Variants in CYP27C1 observed in about 807,000 individuals in gnomAD.
CYP27C1 encodes cytochrome P450 family 27 subfamily C member 1.
In CYP27C1, 29 loss-of-function variants were observed where a neutral mutation model predicts 40.6. That is an observed-to-expected ratio of 0.71 (90% CI 0.53 to 0.97). The LOEUF (loss-of-function observed/expected upper bound fraction) is 0.97. Ranked by LOEUF, CYP27C1 falls within the 50% of genes least tolerant of loss-of-function variation. The pLI is 0.00. For synonymous variants in CYP27C1, 198 were observed against 186.8 expected, an observed-to-expected ratio of 1.06 and a Z score of -0.49; for missense variants, 390 against 485.8, an observed-to-expected ratio of 0.80 and a Z score of 1.85.
chr2:127,215,132 A>G (rs1209765265), intron 1 of CYP27C1, among the ~76,000 whole-genome samples: 6 of 148,306 alleles, frequency 4.0e-5, no homozygotes, highest in Non-Finnish European at 9.0e-5. Context: ...CCATCTCAAA[A>G]AAAAAAAAAA....
chr2:127,199,540 C>T lies in CYP27C1; in HGVS notation c.884-1G>A. On this transcript the variant is annotated splice_acceptor_variant, in intron 4 of 8. Transcript: ENST00000664447. LOFTEE classifies it high-confidence loss of function. ...AACTTGTTGTCAACATGAATTTGGC[C>T]TGTTTGAAAACAGTATTTCTTTTGA... is the stretch of plus-strand genomic sequence containing the variant. 6.2e-7 allele frequency: 1 copy of T among 1,612,436 alleles called. No individual in the cohort carries two copies. Among genetic ancestry groups the T allele is most frequent in the Non-Finnish European group, 8.5e-7 (1 of 1,178,948 alleles).
chr2:127,188,979 C>T (rs1460863571), intron 8 of CYP27C1, among the ~76,000 whole-genome samples: 1 of 152,114 alleles, frequency 6.6e-6, no homozygotes, highest in Non-Finnish European at 1.5e-5. Context: ...AAACACCTAA[C>T]CTCTGACCCC....
rs1294414863 is a variant in CYP27C1 at position 127,187,354 on chromosome 2, GAGA to G, written c.1528_1530del (p.Ser510del). The G allele has an allele frequency of 1.9e-6, 3 of 1,614,016 alleles. No homozygotes were observed. The highest frequency in any genetic ancestry group is 1.3e-5 in the African/African-American group (1 of 74,940). ...GTTTTTGCATGAACAGCATTGGTCT[GAGA>G]AGATGTTTTGATCTCAAAATGTTGA... On this transcript the variant is annotated inframe_deletion, in exon 9 of 9. Transcript: ENST00000664447.
chr2:127,217,809 G>A (rs1320260282), intron 1 of CYP27C1, among the ~76,000 whole-genome samples: 1 of 152,192 alleles, frequency 6.6e-6, no homozygotes, highest in Non-Finnish European at 1.5e-5. Flanking sequence ...GAGCGCAAGT[G>A]AACTGGATGT....
At chr2:127,204,264 T>TC (rs1683107557) in intron 2 of CYP27C1, among the ~76,000 whole-genome samples, 1 of 114,970 alleles carries the variant, frequency 8.7e-6, no homozygotes, top group Admixed American at 1.1e-4. Context: ...AAACTCCATC[T>TC]CAAAAAAAAA....
intron 5 of CYP27C1, among the ~76,000 whole-genome samples, chr2:127,197,638 G>T (rs993394811): frequency 2.6e-5 from 4 of 152,044 alleles, no homozygotes; most frequent in African/African-American, 7.2e-5. Flanking sequence ...CTTTCCACCC[G>T]ACCACCAGCA....
In CYP27C1 at chr2:127,200,786, C is replaced by T. The variant is rs926362525; in HGVS notation, c.883+336G>A. 6.6e-6 allele frequency among the ~76,000 whole-genome samples: 1 copy of T among 151,992 alleles called. No individual in the cohort carries two copies. Among genetic ancestry groups the T allele is most frequent in the Non-Finnish European group, 1.5e-5 (1 of 68,006 alleles). Reference sequence around the variant, plus strand: ...GACCAGCCTGGCCAACATGGTGAAACCCCATCTCTACTAAAAATACAAAAT... The same window carrying T: ...GACCAGCCTGGCCAACATGGTGAAATCCCATCTCTACTAAAAATACAAAAT... On this transcript the variant is annotated intron_variant, in intron 4 of 8. Transcript: ENST00000664447. This position sits in a 1 kb window ranked among gnomAD's most constrained non-coding sequence, Gnocchi z 4.2.
At chr2:127,215,831 G>A (rs557890452) in intron 1 of CYP27C1, among the ~76,000 whole-genome samples, 1 of 151,970 alleles carries the variant, frequency 6.6e-6, no homozygotes, top group South Asian at 2.1e-4. Flanking sequence ...AAGGGAGGGA[G>A]GGAGAGAGAG....
Position 127,193,806 on chromosome 2 carries a change from A to G in CYP27C1, c.1276T>C (p.Tyr426His). The change falls in exon 7 of 9, where the codon TAT becomes CAT. Residue 426 changes from tyrosine (Y) to histidine (H), a missense_variant. Coordinates refer to ENST00000664447, the MANE Select transcript of CYP27C1 (RefSeq NM_001367502.1). ...VTQEDLVIGG[Y>H]LIPKGTQLAL... ...AAACTCACGCCTTTCGGAATCAGAT[A>G]CCCGCCAATAACCAGGTCTTCCTGG... is the stretch of plus-strand genomic sequence containing the variant. 6.2e-7 allele frequency: 1 copy of G among 1,610,630 alleles called. No homozygotes were observed. Among genetic ancestry groups the G allele is most frequent in the Non-Finnish European group, 8.5e-7 (1 of 1,179,118 alleles).
At chr2:127,210,702 C>G (rs1443951881) in intron 1 of CYP27C1, among the ~76,000 whole-genome samples, 4 of 150,280 alleles carry the variant, frequency 2.7e-5, no homozygotes, top group African/African-American at 9.8e-5. Context: ...AAAAAAAAAG[C>G]AGGGGTTGCA....
chr2:127,215,839 G>A (rs1347986496), intron 1 of CYP27C1, among the ~76,000 whole-genome samples: 1 of 151,862 alleles, frequency 6.6e-6, no homozygotes, highest in East Asian at 1.9e-4. Context: ...GAGGGAGAGA[G>A]AGAGGGAGGG....
At position 127,220,209 on chromosome 2, in the gene CYP27C1, A is replaced by G. The variant is rs1404149045; in HGVS notation, c.62T>C (p.Leu21Pro). 1.3e-5 allele frequency: 2 copies of G among 150,350 alleles called. No individual in the cohort carries two copies. The highest frequency in any genetic ancestry group is 1.3e-4 in the Admixed American group (2 of 15,140). 9.3% of individuals were successfully genotyped at this position (150,350 alleles called of 1,614,324 possible). The part of the protein sequence containing the change: ...GLRPAPERGG[L>P]LGGGAPRRPQ... ...CCGCCGCGGGGCCCCGCCGCCCAGG[A>G]GCCCACCCCGCTCGGGCGCCGGCCG... is the stretch of plus-strand genomic sequence containing the variant. The change falls in exon 1 of 9, where the codon CTC becomes CCC. Residue 21 changes from leucine (L) to proline (P), a missense_variant. Physicochemically the swap from Leu to Pro is moderately conservative, Grantham distance 98. Coordinates refer to ENST00000664447, the MANE Select transcript of CYP27C1 (RefSeq NM_001367502.1). The surrounding 1 kb of genome is among the most constrained non-coding windows in gnomAD (Gnocchi z 4.6).
In CYP27C1 at chr2:127,204,540, AG is replaced by A. The variant is rs1558931279; in HGVS notation, c.474-970del. Among the ~76,000 whole-genome samples, 22 of 42,222 alleles carry A rather than the reference AG, an allele frequency of 5.2e-4. 2 individuals are homozygous for A. The highest frequency in any genetic ancestry group is 1.4e-3 in the African/African-American group (21 of 14,826). 27.7% of individuals were successfully genotyped at this position (42,222 alleles called of 152,430 possible). Reference sequence around the variant, plus strand: ...AGGAAAGAAAGAAAGAAAGAAAGAGAGAGAGAGAGAGAGAGAGAAAGAAAGA... The same window carrying A: ...AGGAAAGAAAGAAAGAAAGAAAGAGAAGAGAGAGAGAGAGAGAAAGAAAGA... On this transcript the variant is annotated intron_variant, in intron 2 of 8. Transcript: ENST00000664447.
At position 127,200,108 on chromosome 2, in the gene CYP27C1, T is replaced by A. The variant is rs1012665129; in HGVS notation, c.884-569A>T. Reference sequence around the variant, plus strand: ...CATTCTCCTGCCTCAGCCTCCCAAGTAGCTGGAATTACAGGCACGCGCCAC... The same window carrying A: ...CATTCTCCTGCCTCAGCCTCCCAAGAAGCTGGAATTACAGGCACGCGCCAC... On this transcript the variant is annotated intron_variant, in intron 4 of 8. Coordinates refer to ENST00000664447, the MANE Select transcript of CYP27C1 (RefSeq NM_001367502.1). This position sits in a 1 kb window ranked among gnomAD's most constrained non-coding sequence, Gnocchi z 4.2. Among the ~76,000 whole-genome samples the A allele has an allele frequency of 1.3e-5, 2 of 152,208 alleles. No homozygotes were observed. The highest frequency in any genetic ancestry group is 2.9e-5 in the Non-Finnish European group (2 of 68,036).
chr2:127,204,454 AAGAAAGAAAG>A (rs1245167709), intron 2 of CYP27C1, among the ~76,000 whole-genome samples: 2,507 of 43,866 alleles, frequency 0.057, 308 homozygotes, highest in Non-Finnish European at 0.085. Context: ...GAAAGAAAGA[AAGAAAGAAAG>A]AAAGAAAGAA....
chr2:127,205,131 A>G (rs1683195448), intron 2 of CYP27C1, among the ~76,000 whole-genome samples: 1 of 152,218 alleles, frequency 6.6e-6, no homozygotes, highest in African/African-American at 2.4e-5. Flanking sequence ...GACAGCAGAG[A>G]GATTCTGCCT....
chr2:127,218,071 T>C lies in CYP27C1; in HGVS notation c.282+1918A>G, dbSNP rs1185149550. Among the ~76,000 whole-genome samples, 2 of 152,102 alleles carry C rather than the reference T, an allele frequency of 1.3e-5. No individual in the cohort carries two copies. Among genetic ancestry groups the C allele is most frequent in the African/African-American group, 4.8e-5 (2 of 41,406 alleles). On this transcript the variant is annotated intron_variant, in intron 1 of 8. Transcript: ENST00000664447. This position sits in a 1 kb window ranked among gnomAD's most constrained non-coding sequence, Gnocchi z 6.0. ...AAGTGAGTCAGTTGTGACTCTCTGCTCCGTGCCCCAGGGCCCTGGGTGTGG... is the reference window on the plus strand; with the variant it reads ...AAGTGAGTCAGTTGTGACTCTCTGCCCCGTGCCCCAGGGCCCTGGGTGTGG...
At chr2:127,202,514 A>G (rs978110923) in intron 3 of CYP27C1, among the ~76,000 whole-genome samples, 2 of 152,236 alleles carry the variant, frequency 1.3e-5, no homozygotes, top group East Asian at 3.9e-4. Flanking sequence ...TAAAAAGAAT[A>G]TTCACATGCG....
In CYP27C1 at chr2:127,201,420, G is replaced by A. The variant is rs971379496; in HGVS notation, c.674-89C>T. On this transcript the variant is annotated intron_variant, in intron 3 of 8. Coordinates refer to ENST00000664447, the MANE Select transcript of CYP27C1 (RefSeq NM_001367502.1). The surrounding 1 kb of genome is among the most constrained non-coding windows in gnomAD (Gnocchi z 6.0). Reference sequence around the variant, plus strand: ...TGGGCCATAAATGCAACTTTCAAACGTGGTCCAGGTGCCTTTCATGAATGA... The same window carrying A: ...TGGGCCATAAATGCAACTTTCAAACATGGTCCAGGTGCCTTTCATGAATGA... 2.0e-5 allele frequency: 25 copies of A among 1,252,004 alleles called. No individual in the cohort carries two copies. The Admixed American group carries it at 4.7e-4, about 24-fold the overall frequency. The allele number at this position is 1,252,004 out of a possible 1,614,324, so 77.6% of individuals were successfully genotyped here.
Sources: gnomAD v4.1 joint callset for allele counts (sites outside exome capture counted in the v4.1 genomes callset) on GRCh38, gnomAD v4.1.1 for gene constraint, Gnocchi (gnomAD v3.1) non-coding constraint, MANE v1.5 for transcripts, NCBI Gene and HGNC (gene_info 2026-07-23, HGNC 2026-07-21) for gene names.